Variants in ADAMTS9 observed in about 807,000 individuals in gnomAD.
The protein encoded by ADAMTS9 is ADAM metallopeptidase with thrombospondin type 1 motif 9.
ADAMTS9 carries 107 observed loss-of-function variants against 257.1 expected under a neutral mutation model. That is an observed-to-expected ratio of 0.42 (90% CI 0.36 to 0.49). The LOEUF (loss-of-function observed/expected upper bound fraction) is 0.49, where lower values mean the gene tolerates loss of function less well. Among genes scored for constraint, ADAMTS9 ranks in the 20% least tolerant of loss-of-function variants. The pLI, the probability that ADAMTS9 is intolerant of heterozygous loss-of-function variation, is 0.03. For synonymous variants in ADAMTS9, 982 were observed against 880.9 expected, an observed-to-expected ratio of 1.11 and a Z score of -2.03; for missense variants, 2,353 against 2,469.1, an observed-to-expected ratio of 0.95 and a Z score of 1.00.
chr3:64,533,045 A>G, intron 38 of ADAMTS9, 121 bp downstream of exon 38: 1 of 842,914 alleles, frequency 1.2e-6, no homozygotes, highest in Non-Finnish European at 1.9e-6. Flanking sequence ...CTGACACTAC[A>G]AAATGGCTTA....
chr3:64,654,041 G>T lies in ADAMTS9; in HGVS notation c.1316+312C>A, dbSNP rs191515170. Reference sequence around the variant, plus strand: ...GGCTAATATATCCTCTGCTTCAGTAGAAGGAATGGAAAGACCCCATTTCTC... The same window carrying T: ...GGCTAATATATCCTCTGCTTCAGTATAAGGAATGGAAAGACCCCATTTCTC... On this transcript the variant is annotated intron_variant, in intron 8 of 39. Coordinates refer to ENST00000498707, the MANE Select transcript of ADAMTS9 (RefSeq NM_182920.2). Among the ~76,000 whole-genome samples the T allele has an allele frequency of 3.9e-4, 59 of 152,286 alleles. No individual in the cohort carries two copies. The Middle Eastern group carries it at 0.01, about 26-fold the overall frequency.
chr3:64,678,961 G>A (rs1701689483), intron 3 of ADAMTS9, among the ~76,000 whole-genome samples: 1 of 152,158 alleles, frequency 6.6e-6, no homozygotes, highest in Non-Finnish European at 1.5e-5. Context: ...TGCCATATTG[G>A]TCAGGAGCAA....
intron 32 of ADAMTS9, among the ~76,000 whole-genome samples, chr3:64,544,291 G>C (rs983171681): frequency 6.6e-6 from 1 of 152,144 alleles, no homozygotes; most frequent in African/African-American, 2.4e-5. Flanking sequence ...AACCAAAAAA[G>C]AGCCTGCATT....
At chr3:64,588,008 C>T (rs1455615433) in intron 28 of ADAMTS9, 1 of 152,118 alleles carries the variant, frequency 6.6e-6, no homozygotes, top group Non-Finnish European at 1.5e-5. Context: ...ACTGAACTCA[C>T]ATTTGGGTTC....
intron 11 of ADAMTS9, among the ~76,000 whole-genome samples, chr3:64,642,655 A>T (rs927816722): frequency 1.3e-5 from 2 of 152,242 alleles, no homozygotes; most frequent in Non-Finnish European, 2.9e-5. Flanking sequence ...TCAGCAGGAC[A>T]AGGGAGGAGA....
At chr3:64,561,454 G>C in intron 30 of ADAMTS9, 124 bp downstream of exon 30, 1 of 1,104,382 alleles carries the variant, frequency 9.1e-7, no homozygotes, top group Non-Finnish European at 1.3e-6. Context: ...TGAACCTTTT[G>C]GGAAAGAGCC....
Position 64,658,569 on chromosome 3 carries a change from G to A in ADAMTS9, c.902C>T (p.Ala301Val). The change falls in exon 4 of 40, where the codon GCA becomes GTA. Residue 301 changes from alanine to valine, a missense_variant. This residue lies in a region of ADAMTS9 where 591 missense variants were observed against 569.6 expected (regional missense o/e 1.04). Coordinates refer to ENST00000498707, the MANE Select transcript of ADAMTS9 (RefSeq NM_182920.2). ...YPRFVEVLVVADNRMVSYHGE... is the reference protein window; with the variant it reads ...YPRFVEVLVVVDNRMVSYHGE... ...ATGGTATGAAACCATTCTGTTGTCT[G>A]CCACCACCAAGACTTCTACAAACCG... is the stretch of plus-strand genomic sequence containing the variant. 1.2e-6 allele frequency: 2 copies of A among 1,614,114 alleles called. No homozygotes were observed. Among genetic ancestry groups the A allele is most frequent in the Non-Finnish European group, 1.7e-6 (2 of 1,180,014 alleles).
At position 64,649,702 on chromosome 3, in the gene ADAMTS9, G is replaced by T. The variant is rs746490765; in HGVS notation, c.1540C>A (p.Leu514Ile). 8.1e-6 allele frequency: 13 copies of T among 1,614,072 alleles called. No homozygotes were observed. In the South Asian group the frequency reaches 1.2e-4, roughly 15 times the overall value. The change falls in exon 10 of 40, where the codon CTT (leucine) becomes ATT (isoleucine). Residue 514 changes from leucine to isoleucine, a missense_variant. Physicochemically the swap from Leu to Ile is conservative, Grantham distance 5. Transcript: ENST00000498707. ...YPLPVQLPGI[L>I]YNVNKQCELI... ...TCACATTGTTTATTCACGTTGTAAA[G>T]GATGCCTGGCAGTTGGACAGGCAAA...
chr3:64,663,239 A>G (rs72892809), intron 3 of ADAMTS9, among the ~76,000 whole-genome samples: 11,049 of 152,140 alleles, frequency 0.073, 1,308 homozygotes, highest in African/African-American at 0.25. Flanking sequence ...TACAGTTTAA[A>G]TGGGTGAATA....
intron 2 of ADAMTS9, among the ~76,000 whole-genome samples, chr3:64,683,872 A>T (rs1002505897): frequency 6.6e-6 from 1 of 152,196 alleles, no homozygotes; most frequent in African/African-American, 2.4e-5. Context: ...AGAACGTACT[A>T]AGCATCATAA....
intron 28 of ADAMTS9, among the ~76,000 whole-genome samples, chr3:64,593,672 A>T (rs995508665): frequency 1.3e-5 from 2 of 152,350 alleles, no homozygotes; most frequent in Non-Finnish European, 2.9e-5. Context: ...TCTGTGCAAG[A>T]GAGAGAACAT....
At chr3:64,661,303 A>ACCAGTTGAACTTTCAATATATATG (rs375637392) in intron 3 of ADAMTS9, among the ~76,000 whole-genome samples, 9,550 of 152,230 alleles carry the variant, frequency 0.063, 599 homozygotes, top group East Asian at 0.25. Flanking sequence ...GCATTTGTAT[A>ACCAGTTGAACTTTCAATATATATG]CATATATGAG....
At chr3:64,532,764 C>T (rs1338563042) in intron 38 of ADAMTS9, among the ~76,000 whole-genome samples, 1 of 152,168 alleles carries the variant, frequency 6.6e-6, no homozygotes, top group Non-Finnish European at 1.5e-5. Context: ...CTAGCTCCAT[C>T]TGTATTTCAA....
At chr3:64,611,420 G>A (rs1041101496) in intron 22 of ADAMTS9, among the ~76,000 whole-genome samples, 3 of 152,176 alleles carry the variant, frequency 2.0e-5, no homozygotes, top group Admixed American at 1.3e-4. Flanking sequence ...TCTATGAAAT[G>A]TCCAGAATAC....
intron 22 of ADAMTS9, among the ~76,000 whole-genome samples, chr3:64,608,817 G>A (rs1381026151): frequency 4.0e-5 from 6 of 150,614 alleles, no homozygotes; most frequent in African/African-American, 7.3e-5. Context: ...CACCATAGCC[G>A]AAGACAACAC....
intron 18 of ADAMTS9, 132 bp from the exon 19 acceptor site, chr3:64,621,372 C>T (rs1700100173): frequency 2.8e-6 from 3 of 1,073,576 alleles, no homozygotes; most frequent in Non-Finnish European, 4.0e-6. Context: ...ATCTCTGTTG[C>T]ACTATTCAAC....
At chr3:64,558,482 A>C (rs1033833089) in intron 30 of ADAMTS9, among the ~76,000 whole-genome samples, 6 of 152,112 alleles carry the variant, frequency 3.9e-5, no homozygotes, top group African/African-American at 1.4e-4. Context: ...TGTACTATAC[A>C]ACTCTAGGGG....
At chr3:64,576,953 AG>A (rs1370951719) in intron 28 of ADAMTS9, among the ~76,000 whole-genome samples, 1 of 152,182 alleles carries the variant, frequency 6.6e-6, no homozygotes, top group Non-Finnish European at 1.5e-5. Flanking sequence ...CAACGCCCCC[AG>A]GAATATGGGG....
intron 3 of ADAMTS9, among the ~76,000 whole-genome samples, chr3:64,666,737 A>G (rs1701361312): frequency 6.6e-6 from 1 of 152,280 alleles, no homozygotes; most frequent in Non-Finnish European, 1.5e-5. Context: ...GGACAGGTCC[A>G]ATACATATTT....
Sources: gnomAD v4.1 joint callset for allele counts (sites outside exome capture counted in the v4.1 genomes callset) on GRCh38, gnomAD v4.1.1 for gene constraint, gnomAD v4.1.1 regional missense constraint, MANE v1.5 for transcripts, NCBI Gene and HGNC (gene_info 2026-07-23, HGNC 2026-07-21) for gene names.